Variants in CRABP2 observed in about 807,000 individuals in gnomAD.
The protein encoded by CRABP2 is cellular retinoic acid-binding protein 2.
In CRABP2, 20 loss-of-function variants were observed where a neutral mutation model predicts 17.9. That is an observed-to-expected ratio of 1.12 (90% CI 0.79 to 1.63). The LOEUF (loss-of-function observed/expected upper bound fraction) is 1.63. Ranked by LOEUF, CRABP2 falls within the 40% of genes most tolerant of loss-of-function variation. The pLI, the probability that CRABP2 is intolerant of heterozygous loss-of-function variation, is 0.00. For synonymous variants in CRABP2, 76 were observed against 66.4 expected (o/e 1.14, Z -0.70); for missense variants, 151 against 168.6 (o/e 0.90, Z 0.58).
rs1426610855 is a variant in CRABP2 at position 156,705,036 on chromosome 1, C to T, written c.70+341G>A. Among the ~76,000 whole-genome samples the T allele has an allele frequency of 6.6e-6, 1 of 152,222 alleles. No homozygotes were observed. Among genetic ancestry groups the T allele is most frequent in the Non-Finnish European group, 1.5e-5 (1 of 68,032 alleles). On this transcript the variant is annotated intron_variant, in intron 1 of 3. Coordinates refer to ENST00000368222, the MANE Select transcript of CRABP2 (RefSeq NM_001878.4). This position sits in a 1 kb window ranked among gnomAD's most constrained non-coding sequence, Gnocchi z 5.2. ...CAGGGTTCGTGGCTCCACCAGCCCG[C>T]AGCTTCTGAACTGCAGAGAGCCAGG...
At chr1:156,704,052 G>A (rs1339271290) in intron 1 of CRABP2, among the ~76,000 whole-genome samples, 1 of 152,130 alleles carries the variant, frequency 6.6e-6, no homozygotes, top group African/African-American at 2.4e-5. Context: ...CTTCAGCTGG[G>A]GCCTGGGGGT....
chr1:156,700,692 C>T (rs1178865790), intron 2 of CRABP2, 34 bp from the exon 3 acceptor site: 34 of 1,585,152 alleles, frequency 2.1e-5, no homozygotes, highest in Non-Finnish European at 2.9e-5. Context: ...GAGCTGGGCC[C>T]ATAGCAGGGG....
rs1315098452 is a variant in CRABP2 at position 156,699,944 on chromosome 1, G to A, written c.*82C>T. The A allele has an allele frequency of 4.9e-6, 7 of 1,428,746 alleles. No homozygotes were observed. The African/African-American group carries it at 7.1e-5, about 14-fold the overall frequency. 88.5% of individuals were successfully genotyped at this position (1,428,746 alleles called of 1,614,324 possible). On this transcript the variant is annotated 3_prime_UTR_variant, in exon 4 of 4. Transcript: ENST00000368222. ...AAGGGGAGCGCTATCCTAGAAGGAG[G>A]GGGTGGGACGGAGGGGGCAGTGAAG...
At chr1:156,700,340 C>T (rs1461967875) in intron 3 of CRABP2, among the ~76,000 whole-genome samples, 1 of 152,150 alleles carries the variant, frequency 6.6e-6, no homozygotes, top group African/African-American at 2.4e-5. Flanking sequence ...ATGCCCTTTG[C>T]TTGCATAAAA....
At chr1:156,702,191 G>A (rs991084836) in intron 1 of CRABP2, among the ~76,000 whole-genome samples, 1 of 152,024 alleles carries the variant, frequency 6.6e-6, no homozygotes. Context: ...AGTGGCTCAC[G>A]CCTGTAATCC....
In CRABP2 at chr1:156,699,790, T is replaced by G; in HGVS notation, c.*236A>C. The G allele has an allele frequency of 3.8e-6, 2 of 524,764 alleles. No individual in the cohort carries two copies. The highest frequency in any genetic ancestry group is 5.2e-4 in the Middle Eastern group (1 of 1,922). 32.5% of individuals were successfully genotyped at this position (524,764 alleles called of 1,614,324 possible). A position where few individuals can be genotyped will look rare whatever the true frequency, so the allele number is the denominator to read the frequency against. ...ACTGCTGACTTGGGGAGGCGGGGAGTGAACCCGGAATGGGTGATCTGGGCT... is the reference window on the plus strand; with the variant it reads ...ACTGCTGACTTGGGGAGGCGGGGAGGGAACCCGGAATGGGTGATCTGGGCT... On this transcript the variant is annotated 3_prime_UTR_variant, in exon 4 of 4. Transcript: ENST00000368222.
chr1:156,702,557 G>A (rs1456203726), intron 1 of CRABP2, among the ~76,000 whole-genome samples: 2 of 151,226 alleles, frequency 1.3e-5, no homozygotes. Flanking sequence ...TGGATCATCT[G>A]AGGTTGGGAG....
At chr1:156,701,726 G>C (rs1235634469) in intron 1 of CRABP2, among the ~76,000 whole-genome samples, 2 of 152,184 alleles carry the variant, frequency 1.3e-5, no homozygotes, top group Non-Finnish European at 2.9e-5. Context: ...GTAAGGTCCA[G>C]GAGGCTGTGA....
intron 1 of CRABP2, among the ~76,000 whole-genome samples, chr1:156,702,713 G>A (rs1648075135): frequency 1.3e-5 from 2 of 149,848 alleles, no homozygotes; most frequent in Non-Finnish European, 3.0e-5. Context: ...CGGAGGTTGT[G>A]GTGAGCCAAG....
chr1:156,705,668 G>GCC (rs770456545), upstream of CRABP2: 240 of 428,248 alleles, frequency 5.6e-4, 1 homozygote, highest in Admixed American at 4.7e-3. The surrounding 1 kb of genome is among the most constrained non-coding windows in gnomAD (Gnocchi z 5.2). Flanking sequence ...CTCCCGCTCC[G>GCC]CCCCCCCCCA....
In CRABP2 at chr1:156,705,461, A is replaced by G. The variant is rs201336739; in HGVS notation, c.-15T>C. On this transcript the variant is annotated 5_prime_UTR_variant, in exon 1 of 4. Coordinates refer to ENST00000368222, the MANE Select transcript of CRABP2 (RefSeq NM_001878.4). The surrounding 1 kb of genome is among the most constrained non-coding windows in gnomAD (Gnocchi z 5.2). ...AAGTTGGGCATGGTGGCGGCGCGGGAGGCGGTCCCCGTAGACTCCTAGGCT... is the reference window on the plus strand; with the variant it reads ...AAGTTGGGCATGGTGGCGGCGCGGGGGGCGGTCCCCGTAGACTCCTAGGCT... The G allele has an allele frequency of 9.6e-5, 155 of 1,613,598 alleles. No homozygotes were observed. In the East Asian group the frequency reaches 3.4e-3, roughly 36 times the overall value.
chr1:156,700,114 C>G (rs1260161281), intron 3 of CRABP2, 38 bp from the exon 4 acceptor site: 9 of 1,605,166 alleles, frequency 5.6e-6, no homozygotes, highest in African/African-American at 1.3e-5. Flanking sequence ...TGAGAGGCCC[C>G]TGGGGTCCTG....
rs201677882 is a variant in CRABP2, at chr1:156,700,008, G to A, written c.*18C>T. On this transcript the variant is annotated 3_prime_UTR_variant, in exon 4 of 4. Transcript: ENST00000368222. Reference sequence around the variant, plus strand: ...ATGGCCAGTGGTGGGCTTCGGCCGCGGTTCTACCTGTGGCCACTCACTCTC... The same window carrying A: ...ATGGCCAGTGGTGGGCTTCGGCCGCAGTTCTACCTGTGGCCACTCACTCTC... 39 of 1,611,266 alleles carry A rather than the reference G, an allele frequency of 2.4e-5. No individual in the cohort carries two copies. The African/African-American group carries it at 2.8e-4, about 12-fold the overall frequency.
At position 156,701,035 on chromosome 1, in the gene CRABP2, T is replaced by C. The variant is rs1648017363; in HGVS notation, c.88A>G (p.Arg30Gly). Reference sequence around the variant, plus strand: ...GACGCTGCAGCCACAGCAATCTTCCTCAGCATCACATTCACCCCTGTGGGG... The same window carrying C: ...GACGCTGCAGCCACAGCAATCTTCCCCAGCATCACATTCACCCCTGTGGGG... The part of the protein sequence containing the change: ...LKVLGVNVML[R>G]KIAVAAASKP... Residue 30 changes from arginine (R) to glycine (G), a missense_variant, in exon 2 of 4, where the codon AGG (arginine) becomes GGG (glycine). Transcript: ENST00000368222. The C allele has an allele frequency of 6.2e-7, 1 of 1,613,998 alleles. No homozygotes were observed. The highest frequency in any genetic ancestry group is 8.5e-7 in the Non-Finnish European group (1 of 1,180,008).
At chr1:156,702,772 C>CAAAAAAAAAAAAAAAAAA (rs56302238) in intron 1 of CRABP2, among the ~76,000 whole-genome samples, 1 of 79,846 alleles carries the variant, frequency 1.3e-5, no homozygotes, top group African/African-American at 4.5e-5. Flanking sequence ...AACTCTGTCT[C>CAAAAAAAAAAAAAAAAAA]AAAAAAAAAA....
At chr1:156,700,693 A>G in intron 2 of CRABP2, 35 bp from the exon 3 acceptor site, 1 of 1,582,302 alleles carries the variant, frequency 6.3e-7, no homozygotes, top group South Asian at 1.1e-5. Context: ...AGCTGGGCCC[A>G]TAGCAGGGGC....
At position 156,700,661 on chromosome 1, in the gene CRABP2, G is replaced by C. The variant is rs1648005052; in HGVS notation, c.250-3C>G. ...TCACTCTCCCATTTCACCAGGCTCT[G>C]CAAGAGACAGGTGGCCAAGTGAGCT... On this transcript the variant is annotated splice_polypyrimidine_tract_variant and splice_region_variant and intron_variant, in intron 2 of 3. Coordinates refer to ENST00000368222, the MANE Select transcript of CRABP2 (RefSeq NM_001878.4). The C allele has an allele frequency of 3.1e-6, 5 of 1,612,504 alleles. No individual in the cohort carries two copies. The highest frequency in any genetic ancestry group is 4.2e-6 in the Non-Finnish European group (5 of 1,178,612).
Position 156,700,931 on chromosome 1 carries a change from A to T in CRABP2, c.192T>A (p.Ile64=). The T allele has an allele frequency of 6.2e-7, 1 of 1,614,164 alleles. No individual in the cohort carries two copies. Among genetic ancestry groups the T allele is most frequent in the Non-Finnish European group, 8.5e-7 (1 of 1,180,026 alleles). Reference sequence around the variant, plus strand: ...CAAACTCCTCCCCAACCTTGAAGTTAATCTCTGTGGTGCGCACGGTGGTGG... The same window carrying T: ...CAAACTCCTCCCCAACCTTGAAGTTTATCTCTGTGGTGCGCACGGTGGTGG... ...KTSTTVRTTE[I]NFKVGEEFEE... The change falls in exon 2 of 4, where the codon ATT becomes ATA. Residue 64 remains isoleucine, a synonymous_variant. Coordinates refer to ENST00000368222, the MANE Select transcript of CRABP2 (RefSeq NM_001878.4).
intron 1 of CRABP2, among the ~76,000 whole-genome samples, chr1:156,702,873 A>G (rs764478130): frequency 2.0e-5 from 3 of 150,576 alleles, no homozygotes; most frequent in African/African-American, 4.9e-5. Flanking sequence ...AACAATAGCT[A>G]TGATTGTTGG....
Sources: allele counts gnomAD v4.1 joint callset (sites outside exome capture counted in the v4.1 genomes callset), GRCh38; gene constraint gnomAD v4.1.1; non-coding constraint Gnocchi (gnomAD v3.1); transcripts MANE v1.5; gene names NCBI Gene and HGNC (gene_info 2026-07-23, HGNC 2026-07-21).